SLC29A3: variants seen among roughly 807,000 people sequenced by gnomAD.
SLC29A3 encodes the protein equilibrative nucleoside transporter 3.
A neutral mutation model predicts 25.4 loss-of-function variants in SLC29A3; 18 were observed. That is an observed-to-expected ratio of 0.71 (90% CI 0.49 to 1.05). SLC29A3 has a LOEUF of 1.05. Ranked by LOEUF, SLC29A3 falls within the 50% of genes least tolerant of loss-of-function variation. SLC29A3 has a pLI of 0.00. For missense variants in SLC29A3, 586 were observed against 609.0 expected, an observed-to-expected ratio of 0.96 and a Z score of 0.40; for synonymous variants, 258 against 267.1, an observed-to-expected ratio of 0.97 and a Z score of 0.33.
chr10:71,346,566 A>T (rs1173104983), intron 3 of SLC29A3, among the ~76,000 whole-genome samples: 1 of 152,192 alleles, frequency 6.6e-6, no homozygotes, highest in Non-Finnish European at 1.5e-5. Flanking sequence ...TTAGCCTGGC[A>T]CGGTGACACA....
At chr10:71,360,976 T>TTA (rs1188080280) in intron 5 of SLC29A3, among the ~76,000 whole-genome samples, 1 of 152,252 alleles carries the variant, frequency 6.6e-6, no homozygotes. Flanking sequence ...TATAAGGCAT[T>TTA]TATATATATT....
Position 71,363,015 on chromosome 10 carries a change from A to C in SLC29A3, c.*407A>C. On this transcript the variant is annotated 3_prime_UTR_variant, in exon 6 of 6. Coordinates refer to ENST00000373189, the MANE Select transcript of SLC29A3 (RefSeq NM_018344.6). The stretch of plus-strand genomic sequence containing the variant: ...TGCGCTCATTCCAGCTGACAGCGAG[A>C]TGCAAGCAAATGCTCAGCTCTCCTT... 2.2e-6 allele frequency: 1 copy of C among 461,470 alleles called. No homozygotes were observed. The highest frequency in any genetic ancestry group is 4.3e-6 in the Non-Finnish European group (1 of 232,088). 28.6% of individuals were successfully genotyped at this position (461,470 alleles called of 1,614,324 possible).
At chr10:71,361,749 G>A (rs776947127) in intron 5 of SLC29A3, among the ~76,000 whole-genome samples, 2 of 152,208 alleles carry the variant, frequency 1.3e-5, no homozygotes, top group Non-Finnish European at 2.9e-5. Flanking sequence ...CACCGCGCTG[G>A]CAGGCAGGCC....
At chr10:71,349,429 A>C (rs1411631726) in intron 3 of SLC29A3, among the ~76,000 whole-genome samples, 1 of 151,996 alleles carries the variant, frequency 6.6e-6, no homozygotes, top group Non-Finnish European at 1.5e-5. Flanking sequence ...GCTTCTCTCC[A>C]CGGCTCCCAT....
At position 71,323,209 on chromosome 10, in the gene SLC29A3, G is replaced by A. The variant is rs578140027; in HGVS notation, c.300+155G>A. The stretch of plus-strand genomic sequence containing the variant: ...GATGCAAATTATGGTTCCATGTGGT[G>A]TGTATGGTAAACCCATAAATCCAGA... On this transcript the variant is annotated intron_variant, in intron 2 of 5. Transcript: ENST00000373189. Among the ~76,000 whole-genome samples, 11 of 152,372 alleles carry A rather than the reference G, an allele frequency of 7.2e-5. No individual in the cohort carries two copies. The South Asian group carries it at 1.9e-3, about 26-fold the overall frequency.
At chr10:71,330,043 T>A (rs1437466234) in intron 2 of SLC29A3, among the ~76,000 whole-genome samples, 1 of 152,188 alleles carries the variant, frequency 6.6e-6, no homozygotes, top group Non-Finnish European at 1.5e-5. Flanking sequence ...GAGGGTTCGG[T>A]GCTTGTCTAA....
intron 1 of SLC29A3, among the ~76,000 whole-genome samples, chr10:71,320,857 G>A (rs1437689048): frequency 6.6e-6 from 1 of 152,220 alleles, no homozygotes; most frequent in African/African-American, 2.4e-5. Flanking sequence ...TTGCAGGAAG[G>A]ATGCCTGTAC....
At chr10:71,370,477 A>G (rs1847202620) in intron 3 of SLC29A3, among the ~76,000 whole-genome samples, 1 of 152,206 alleles carries the variant, frequency 6.6e-6, no homozygotes, top group Admixed American at 6.5e-5. Flanking sequence ...CGGAGGCCCA[A>G]GGAGATTGAA....
chr10:71,372,406 A>G (rs573666638), intron 3 of SLC29A3, among the ~76,000 whole-genome samples: 1 of 152,362 alleles, frequency 6.6e-6, no homozygotes, highest in Admixed American at 6.5e-5. Flanking sequence ...CCTGATGGTC[A>G]CAATAGCAGC....
chr10:71,345,860 G>A (rs991494724), intron 3 of SLC29A3, among the ~76,000 whole-genome samples: 3 of 152,198 alleles, frequency 2.0e-5, no homozygotes, highest in East Asian at 1.9e-4. Flanking sequence ...CAGCCGTGGT[G>A]GGGGGAGCCC....
At chr10:71,332,808 T>C (rs1201068847) in intron 2 of SLC29A3, among the ~76,000 whole-genome samples, 2 of 152,256 alleles carry the variant, frequency 1.3e-5, no homozygotes, top group Non-Finnish European at 2.9e-5. Context: ...CTTTTTCTTC[T>C]GTTTTTAGCT....
At chr10:71,373,601 A>G (rs1477959307) in intron 3 of SLC29A3, among the ~76,000 whole-genome samples, 1 of 152,212 alleles carries the variant, frequency 6.6e-6, no homozygotes, top group African/African-American at 2.4e-5. Context: ...AACTGCAAAA[A>G]GCGTATCAGA....
At chr10:71,364,035 T>A (rs531085641), downstream of SLC29A3, among the ~76,000 whole-genome samples, 72 of 151,926 alleles carry the variant, frequency 4.7e-4, no homozygotes, top group Non-Finnish European at 1.0e-3. Flanking sequence ...TGTCTGGGGA[T>A]GGGATGGCCA....
chr10:71,361,121 T>G (rs186888566), intron 5 of SLC29A3, among the ~76,000 whole-genome samples: 1 of 152,138 alleles, frequency 6.6e-6, no homozygotes, highest in African/African-American at 2.4e-5. Flanking sequence ...ATGTACCAGA[T>G]TGGTTTTTCT....
At chr10:71,320,488 G>T (rs1003037513) in intron 1 of SLC29A3, among the ~76,000 whole-genome samples, 3 of 149,558 alleles carry the variant, frequency 2.0e-5, no homozygotes, top group Non-Finnish European at 4.5e-5. Flanking sequence ...CTCTCTTCCT[G>T]GCTTGCAGAC....
intron 5 of SLC29A3, among the ~76,000 whole-genome samples, chr10:71,357,271 C>T (rs1013063824): frequency 9.2e-5 from 14 of 152,110 alleles, no homozygotes; most frequent in African/African-American, 7.2e-5. Flanking sequence ...AAAAATTAGC[C>T]GGGCATGGTG....
At chr10:71,334,509 T>C (rs1055409524) in intron 2 of SLC29A3, among the ~76,000 whole-genome samples, 5 of 152,258 alleles carry the variant, frequency 3.3e-5, no homozygotes, top group Admixed American at 2.6e-4. Flanking sequence ...TATTTGTTTA[T>C]GCATTTGCTA....
intron 1 of SLC29A3, among the ~76,000 whole-genome samples, chr10:71,321,768 C>T (rs1845850692): frequency 1.3e-5 from 2 of 152,232 alleles, no homozygotes; most frequent in Admixed American, 6.5e-5. Flanking sequence ...TTGCTGGCAG[C>T]CTAGGCTCTT....
chr10:71,348,270 T>C (rs542641449), intron 3 of SLC29A3, among the ~76,000 whole-genome samples: 73 of 152,358 alleles, frequency 4.8e-4, no homozygotes, highest in African/African-American at 1.7e-3. Flanking sequence ...TTTGCCTCCT[T>C]CTTGCCCCAA....
Sources: gnomAD v4.1 joint callset for allele counts (sites outside exome capture counted in the v4.1 genomes callset) on GRCh38, gnomAD v4.1.1 for gene constraint, MANE v1.5 for transcripts, NCBI Gene and HGNC (gene_info 2026-07-23, HGNC 2026-07-21) for gene names.